The following TBPL1 variants were observed in gnomAD, a reference collection of about 807,000 sequenced individuals.
The protein encoded by TBPL1 is TATA-box binding protein like 1, also known as TATA box-binding protein-like 1.
A neutral mutation model predicts 22.1 loss-of-function variants in TBPL1; 4 were observed. The observed-to-expected ratio is 0.18, with a 90% CI of 0.09 to 0.41. The LOEUF is 0.41. Among genes scored for constraint, TBPL1 ranks in the 10% least tolerant of loss-of-function variants. TBPL1 has a pLI of 1.00. For synonymous variants in TBPL1, 64 were observed against 71.0 expected (o/e 0.90, Z 0.50); for missense variants, 115 against 222.3 (o/e 0.52, Z 3.07).
At chr6:133,960,193 G>A (rs551540051) in intron 1 of TBPL1, among the ~76,000 whole-genome samples, 1 of 152,154 alleles carries the variant, frequency 6.6e-6, no homozygotes, top group African/African-American at 2.4e-5. Flanking sequence ...TGGTTGCAGG[G>A]ATCACAGACA....
Position 133,987,016 on chromosome 6 carries a change from T to C in TBPL1, c.537T>C (p.Phe179=). Reference sequence around the variant, plus strand: ...TGGAACAGATTTACCCATTTGTGTTTGAAAGCAGGAAAGAAATTTTATAAT... The same window carrying C: ...TGGAACAGATTTACCCATTTGTGTTCGAAAGCAGGAAAGAAATTTTATAAT... The part of the protein sequence containing the change: ...TAVEQIYPFV[F]ESRKEIL Residue 179 remains phenylalanine (F), a synonymous_variant, in exon 7 of 7, where the codon TTT becomes TTC. Transcript: ENST00000237264. 6.2e-7 allele frequency: 1 copy of C among 1,609,158 alleles called. No individual in the cohort carries two copies. The highest frequency in any genetic ancestry group is 8.5e-7 in the Non-Finnish European group (1 of 1,177,848).
At chr6:133,962,664 A>C (rs1427134578) in intron 1 of TBPL1, among the ~76,000 whole-genome samples, 3 of 152,254 alleles carry the variant, frequency 2.0e-5, no homozygotes, top group African/African-American at 7.2e-5. Context: ...TGTAGGAGCC[A>C]GCCATAAGCT....
intron 1 of TBPL1, among the ~76,000 whole-genome samples, chr6:133,963,666 C>T (rs932319950): frequency 6.6e-6 from 1 of 152,052 alleles, no homozygotes; most frequent in Non-Finnish European, 1.5e-5. Flanking sequence ...AGCAACCTGC[C>T]CACCTTGGCC....
At chr6:133,952,672 C>T (rs1775853027), upstream of TBPL1, 2 of 152,108 alleles carry the variant, frequency 1.3e-5, no homozygotes, top group African/African-American at 4.8e-5. The surrounding 1 kb of genome is among the most constrained non-coding windows in gnomAD (Gnocchi z 4.5). Flanking sequence ...TTAACGGGTT[C>T]ATTTTGACTG....
In TBPL1 at chr6:133,980,544, C is replaced by T. The variant is rs1776390723; in HGVS notation, c.135+284C>T. On this transcript the variant is annotated intron_variant, in intron 2 of 6. Transcript: ENST00000237264. ...AACTGAAGAAAGGGACCTTTATATT[C>T]GCACATGTACCTATTCAAATATGAT... Among the ~76,000 whole-genome samples, 4 of 152,018 alleles carry T rather than the reference C, an allele frequency of 2.6e-5. No individual in the cohort carries two copies. In the South Asian group the frequency reaches 8.3e-4, roughly 32 times the overall value.
intron 1 of TBPL1, among the ~76,000 whole-genome samples, chr6:133,958,937 CTT>C (rs1394396516): frequency 3.0e-4 from 45 of 152,224 alleles, no homozygotes; most frequent in African/African-American, 9.9e-4. Context: ...AGAGGTGTGA[CTT>C]TTGTTTTCCT....
rs1019497004 is a variant in TBPL1, at chr6:133,989,378, A to G, written c.*2338A>G. The G allele has an allele frequency of 5.3e-4, 81 of 152,188 alleles. No individual in the cohort carries two copies. Among genetic ancestry groups the G allele is most frequent in the African/African-American group, 1.9e-3 (78 of 41,434 alleles). 9.4% of individuals were successfully genotyped at this position (152,188 alleles called of 1,614,324 possible). The stretch of plus-strand genomic sequence containing the variant: ...AAAAATATAAAAGAATGCTCAAGAT[A>G]CTGAAGTCAAGGTCACTAGTAATAA... On this transcript the variant is annotated 3_prime_UTR_variant, in exon 7 of 7. Transcript: ENST00000237264.
chr6:133,974,186 T>G (rs1485205464), intron 1 of TBPL1, among the ~76,000 whole-genome samples: 4 of 152,224 alleles, frequency 2.6e-5, no homozygotes, highest in Non-Finnish European at 4.4e-5. Context: ...CATCTCTACA[T>G]CTGTCTAGCT....
upstream of TBPL1, among the ~76,000 whole-genome samples, chr6:133,953,000 C>T (rs1157525372): frequency 5.9e-5 from 9 of 152,106 alleles, no homozygotes; most frequent in African/African-American, 2.2e-4. This position sits in a 1 kb window ranked among gnomAD's most constrained non-coding sequence, Gnocchi z 4.5. Context: ...TACCTCCCAC[C>T]GAGCCCAGCG....
intron 1 of TBPL1, among the ~76,000 whole-genome samples, chr6:133,967,925 A>G (rs1776148502): frequency 6.6e-6 from 1 of 152,196 alleles, no homozygotes. Context: ...ACAGACAAAT[A>G]TATGGATTTA....
At chr6:133,977,941 C>T (rs534000554) in intron 1 of TBPL1, among the ~76,000 whole-genome samples, 1 of 152,314 alleles carries the variant, frequency 6.6e-6, no homozygotes, top group South Asian at 2.1e-4. Context: ...GTTGGTTGCT[C>T]TAAGTAGACT....
At position 133,960,030 on chromosome 6, in the gene TBPL1, G is replaced by A. The variant is rs767964698; in HGVS notation, c.-45+6605G>A. Among the ~76,000 whole-genome samples, 14 of 152,286 alleles carry A rather than the reference G, an allele frequency of 9.2e-5. No individual in the cohort carries two copies. The South Asian group carries it at 2.1e-3, about 23-fold the overall frequency. ...CAGATGCTTCTGGTGAGCCGCAAGC[G>A]TTTTTCCTCTCACCTACTTATGGCT... is the stretch of plus-strand genomic sequence containing the variant. On this transcript the variant is annotated intron_variant, in intron 1 of 6. Coordinates refer to ENST00000237264, the MANE Select transcript of TBPL1 (RefSeq NM_004865.4).
In TBPL1 at chr6:133,964,727, T is replaced by C. The variant is rs151332294; in HGVS notation, c.-45+11302T>C. Among the ~76,000 whole-genome samples the C allele has an allele frequency of 7.4e-4, 112 of 152,226 alleles. 1 individual carries two copies. Among genetic ancestry groups the C allele is most frequent in the African/African-American group, 2.6e-3 (109 of 41,560 alleles). On this transcript the variant is annotated intron_variant, in intron 1 of 6. Transcript: ENST00000237264. ...CTTCCCAAAGTGCTGGGATTACAGG[T>C]GTGAGCCACCATGCCCGGCCGAACT...
chr6:133,956,273 A>AT (rs1487215462), intron 1 of TBPL1, among the ~76,000 whole-genome samples: 1 of 152,214 alleles, frequency 6.6e-6, no homozygotes, highest in Non-Finnish European at 1.5e-5. Flanking sequence ...GTATTGTGAC[A>AT]TTCGAACTAA....
intron 1 of TBPL1, among the ~76,000 whole-genome samples, chr6:133,972,526 T>G (rs1776241305): frequency 6.6e-6 from 1 of 152,224 alleles, no homozygotes; most frequent in South Asian, 2.1e-4. Flanking sequence ...AGGCTTGTGG[T>G]TCATTTGGTT....
At chr6:133,953,669 G>A (rs916625632) in intron 1 of TBPL1, among the ~76,000 whole-genome samples, 1 of 152,146 alleles carries the variant, frequency 6.6e-6, no homozygotes, top group Non-Finnish European at 1.5e-5. Context: ...AGGGATAACG[G>A]GTTGGGGGTG....
intron 4 of TBPL1, among the ~76,000 whole-genome samples, chr6:133,983,622 T>C (rs189510189): frequency 1.1e-4 from 17 of 152,088 alleles, no homozygotes; most frequent in African/African-American, 4.1e-4. Flanking sequence ...GATTTGAGAG[T>C]GCTGCCACTT....
Position 133,987,076 on chromosome 6 carries a change from A to G in TBPL1, c.*36A>G. ...AATTGGTTAGAATCTCTAACTGAGC[A>G]CCTTTTAAACCTGCTGCACATTGGA... On this transcript the variant is annotated 3_prime_UTR_variant, in exon 7 of 7. Coordinates refer to ENST00000237264, the MANE Select transcript of TBPL1 (RefSeq NM_004865.4). 1 of 1,458,778 alleles carries G rather than the reference A, an allele frequency of 6.9e-7. No individual in the cohort carries two copies. The highest frequency in any genetic ancestry group is 9.5e-7 in the Non-Finnish European group (1 of 1,051,066). 90.4% of individuals were successfully genotyped at this position (1,458,778 alleles called of 1,614,324 possible). A position where few individuals can be genotyped will look rare whatever the true frequency, so the allele number is the denominator to read the frequency against.
At chr6:133,952,900 G>A (rs1451101013), upstream of TBPL1, among the ~76,000 whole-genome samples, 1 of 152,122 alleles carries the variant, frequency 6.6e-6, no homozygotes, top group Non-Finnish European at 1.5e-5. This position sits in a 1 kb window ranked among gnomAD's most constrained non-coding sequence, Gnocchi z 4.5. Flanking sequence ...ATATACAAAG[G>A]ATACACGGTG....
Sources: gnomAD v4.1 joint callset for allele counts (sites outside exome capture counted in the v4.1 genomes callset) on GRCh38, gnomAD v4.1.1 for gene constraint, Gnocchi (gnomAD v3.1) non-coding constraint, MANE v1.5 for transcripts, NCBI Gene and HGNC (gene_info 2026-07-23, HGNC 2026-07-21) for gene names.